RNLS: variants seen among roughly 807,000 people sequenced by gnomAD.
RNLS encodes the protein renalase, FAD dependent amine oxidase, also known as renalase.
In RNLS, 39 loss-of-function variants were observed where a neutral mutation model predicts 39.8. That is an observed-to-expected ratio of 0.98 (90% CI 0.76 to 1.28). The LOEUF (loss-of-function observed/expected upper bound fraction) is 1.28. Ranked by LOEUF, RNLS falls within the 50% of genes most tolerant of loss-of-function variation. The pLI, the probability that RNLS is intolerant of heterozygous loss-of-function variation, is 0.00. For synonymous variants in RNLS, 147 were observed against 150.7 expected, an observed-to-expected ratio of 0.98 and a Z score of 0.18; for missense variants, 410 against 413.3, an observed-to-expected ratio of 0.99 and a Z score of 0.07.
At chr10:88,558,073 C>A (rs1345368097) in intron 4 of RNLS, among the ~76,000 whole-genome samples, 1 of 152,170 alleles carries the variant, frequency 6.6e-6, no homozygotes, top group Non-Finnish European at 1.5e-5. Context: ...AAACATCACA[C>A]ATCTACTGAC....
intron 5 of RNLS, among the ~76,000 whole-genome samples, chr10:88,319,436 GA>G (rs1846013419): frequency 6.6e-6 from 1 of 151,958 alleles, no homozygotes; most frequent in Non-Finnish European, 1.5e-5. Flanking sequence ...TAACAAAAAT[GA>G]AAAGTCTGAA....
chr10:88,387,022 A>C (rs900199604), intron 4 of RNLS, among the ~76,000 whole-genome samples: 1 of 152,224 alleles, frequency 6.6e-6, no homozygotes, highest in Non-Finnish European at 1.5e-5. Context: ...AAAACACATA[A>C]ACAGAACTAA....
At chr10:88,389,811 A>T (rs1204062623) in intron 4 of RNLS, among the ~76,000 whole-genome samples, 1 of 152,222 alleles carries the variant, frequency 6.6e-6, no homozygotes, top group Non-Finnish European at 1.5e-5. Context: ...ATATTTACAG[A>T]TTCAGGGATA....
At chr10:88,172,557 T>C in the RNLS span, among the ~76,000 whole-genome samples, 3 of 152,280 alleles carry the variant, frequency 2.0e-5, no homozygotes, top group Admixed American at 1.3e-4. Context: ...TTGAATTTCT[T>C]ATATATTCTA....
the RNLS span, among the ~76,000 whole-genome samples, chr10:88,200,455 C>G: frequency 2.6e-5 from 4 of 152,172 alleles, no homozygotes; most frequent in Non-Finnish European, 5.9e-5. Flanking sequence ...GATACACACC[C>G]AGTCTAGGTG....
chr10:88,320,200 C>T (rs1235313661), intron 5 of RNLS, among the ~76,000 whole-genome samples: 1 of 150,434 alleles, frequency 6.6e-6, no homozygotes, highest in Admixed American at 6.6e-5. Flanking sequence ...CCAAACTACA[C>T]CTCATAAATG....
chr10:88,505,929 G>GTAT (rs375265671), intron 4 of RNLS, among the ~76,000 whole-genome samples: 4 of 152,248 alleles, frequency 2.6e-5, no homozygotes, highest in Non-Finnish European at 4.4e-5. Context: ...AGCAGCATGG[G>GTAT]TATTAACTTA....
At chr10:88,369,981 C>T (rs1433076726) in intron 4 of RNLS, among the ~76,000 whole-genome samples, 1 of 152,142 alleles carries the variant, frequency 6.6e-6, no homozygotes, top group East Asian at 1.9e-4. Context: ...CCAGTGTGCC[C>T]AGCCCCTTAA....
At chr10:88,356,501 C>T (rs1470883543) in intron 5 of RNLS, among the ~76,000 whole-genome samples, 1 of 152,202 alleles carries the variant, frequency 6.6e-6, no homozygotes, top group Non-Finnish European at 1.5e-5. Flanking sequence ...TTATTTATAA[C>T]ATCTCATATT....
intron 5 of RNLS, among the ~76,000 whole-genome samples, chr10:88,325,760 C>T (rs529721715): frequency 2.0e-5 from 3 of 152,270 alleles, no homozygotes; most frequent in Admixed American, 6.5e-5. Flanking sequence ...CATGGTTTGG[C>T]TGTGTCCTCA....
intron 4 of RNLS, among the ~76,000 whole-genome samples, chr10:88,484,190 T>C (rs1208375130): frequency 6.6e-6 from 1 of 152,062 alleles, no homozygotes; most frequent in African/African-American, 2.4e-5. Flanking sequence ...GTTTTAGTAA[T>C]AGCTTATTTT....
At chr10:88,263,487 C>G in the RNLS span, among the ~76,000 whole-genome samples, 2 of 152,108 alleles carry the variant, frequency 1.3e-5, no homozygotes, top group South Asian at 2.1e-4. Flanking sequence ...GTAGCTTCAG[C>G]CCCTCTCATT....
In RNLS at chr10:88,340,007, T is replaced by C. The variant is rs143813743; in HGVS notation, c.700+22545A>G. On this transcript the variant is annotated intron_variant, in intron 5 of 6. Coordinates refer to ENST00000331772, the MANE Select transcript of RNLS (RefSeq NM_001031709.3). The stretch of plus-strand genomic sequence containing the variant: ...ATATCACATGGCGTTTTAGATAACA[T>C]TCTCTCCCTACACCTCGTTCTTAGG... 2.1e-3 allele frequency among the ~76,000 whole-genome samples: 318 copies of C among 152,244 alleles called. 2 individuals carry two copies. Among genetic ancestry groups the C allele is most frequent in the African/African-American group, 7.2e-3 (298 of 41,542 alleles).
At chr10:88,575,124 G>GTATATATATATA (rs1174268534) in intron 3 of RNLS, among the ~76,000 whole-genome samples, 18 of 98,912 alleles carry the variant, frequency 1.8e-4, no homozygotes, top group South Asian at 1.8e-3. Flanking sequence ...GTTCTGCAAA[G>GTATATATATATA]TATATATATA....
chr10:88,186,485 G>A, the RNLS span, among the ~76,000 whole-genome samples: 699 of 152,190 alleles, frequency 4.6e-3, 9 homozygotes, highest in African/African-American at 0.016. Flanking sequence ...CCTCTCTGTG[G>A]AAACCCAGCA....
intron 4 of RNLS, among the ~76,000 whole-genome samples, chr10:88,431,494 C>A (rs1225617247): frequency 6.6e-6 from 1 of 151,478 alleles, no homozygotes; most frequent in East Asian, 1.9e-4. Flanking sequence ...TAAGCTATAT[C>A]ATTTCATTTC....
In RNLS at chr10:88,285,351, G is replaced by C; in HGVS notation, c.*3C>G. 6.2e-7 allele frequency: 1 copy of C among 1,608,694 alleles called. No homozygotes were observed. Among genetic ancestry groups the C allele is most frequent in the Non-Finnish European group, 8.5e-7 (1 of 1,176,350 alleles). ...ACACATGTAGAGAATAAGGATATAGGCACTAAATATAATTCTTTAAAGCTT... is the reference window on the plus strand; with the variant it reads ...ACACATGTAGAGAATAAGGATATAGCCACTAAATATAATTCTTTAAAGCTT... On this transcript the variant is annotated 3_prime_UTR_variant, in exon 7 of 7. Transcript: ENST00000331772.
At chr10:88,533,757 A>G (rs1847577178) in intron 4 of RNLS, among the ~76,000 whole-genome samples, 1 of 152,100 alleles carries the variant, frequency 6.6e-6, no homozygotes, top group Non-Finnish European at 1.5e-5. Flanking sequence ...GAACATGAAG[A>G]GAGAAACAGG....
At chr10:88,465,677 G>A (rs1349942174) in intron 4 of RNLS, among the ~76,000 whole-genome samples, 2 of 152,038 alleles carry the variant, frequency 1.3e-5, no homozygotes, top group Non-Finnish European at 2.9e-5. Flanking sequence ...AGAATACCTT[G>A]AATCCCTTAG....
Sources: gnomAD v4.1 joint callset for allele counts (sites outside exome capture counted in the v4.1 genomes callset) on GRCh38, gnomAD v4.1.1 for gene constraint, MANE v1.5 for transcripts, NCBI Gene and HGNC (gene_info 2026-07-23, HGNC 2026-07-21) for gene names.